The following SIM2 variants were observed in gnomAD, a reference collection of about 807,000 sequenced individuals.
The protein encoded by SIM2 is single-minded homolog 2.
A neutral mutation model predicts 64.8 loss-of-function variants in SIM2; 28 were observed. The ratio of observed to expected loss-of-function variants is 0.43; its 90% CI spans 0.32 to 0.59. SIM2 has a LOEUF of 0.59. Ranked by LOEUF, SIM2 falls within the 20% of genes least tolerant of loss-of-function variation. SIM2 has a pLI of 0.07. For missense variants in SIM2, 847 were observed against 871.4 expected, an observed-to-expected ratio of 0.97 and a Z score of 0.35; for synonymous variants, 408 against 391.1, an observed-to-expected ratio of 1.04 and a Z score of -0.51.
chr21:36,742,726 A>G (rs978059865), intron 8 of SIM2, among the ~76,000 whole-genome samples: 2 of 152,166 alleles, frequency 1.3e-5, no homozygotes, highest in African/African-American at 4.8e-5. Context: ...TGCACTTTAC[A>G]TGGGGTGAGG....
chr21:36,706,482 G>T (rs553406349), intron 1 of SIM2, among the ~76,000 whole-genome samples: 1 of 152,318 alleles, frequency 6.6e-6, no homozygotes, highest in Non-Finnish European at 1.5e-5. Context: ...ACCCCGAGGC[G>T]CCTAGCACAG....
chr21:36,734,756 T>A (rs1466976083), intron 7 of SIM2, among the ~76,000 whole-genome samples: 2 of 152,314 alleles, frequency 1.3e-5, no homozygotes, highest in East Asian at 3.9e-4. Context: ...GACAGTCAAC[T>A]CCCAAGCAGG....
Position 36,715,260 on chromosome 21 carries a change from A to G in SIM2, c.348+2638A>G, listed in dbSNP as rs890354151. On this transcript the variant is annotated intron_variant, in intron 3 of 10. Transcript: ENST00000290399. ...GTTCATGATTAACTCCATAGAAGGA[A>G]ATCTAGGCAGAATCACAATGTGTAT... Among the ~76,000 whole-genome samples the G allele has an allele frequency of 2.6e-5, 4 of 152,198 alleles. No homozygotes were observed. The East Asian group carries it at 7.7e-4, about 29-fold the overall frequency.
At chr21:36,725,626 A>AT (rs1410774183) in intron 5 of SIM2, among the ~76,000 whole-genome samples, 1 of 152,052 alleles carries the variant, frequency 6.6e-6, no homozygotes, top group African/African-American at 2.4e-5. Context: ...TTTTATTATG[A>AT]TATTTTTTGT....
At position 36,747,764 on chromosome 21, in the gene SIM2, A is replaced by G; in HGVS notation, c.1676A>G (p.Lys559Arg). The part of the protein sequence containing the change: ...YREEPALGPA[K>R]AARQAARDGA... ...GAGGAGCCCGCGCTGGGCCCGGCCA[A>G]AGCCGCCCGCCAGGCCGCCCGGGAC... is the stretch of plus-strand genomic sequence containing the variant. The change falls in exon 11 of 11, where the codon AAA becomes AGA. Residue 559 changes from lysine to arginine, a missense_variant. By Grantham distance (26) the Lys-to-Arg change is conservative. Coordinates refer to ENST00000290399, the MANE Select transcript of SIM2 (RefSeq NM_005069.6). The surrounding 1 kb of genome is among the most constrained non-coding windows in gnomAD (Gnocchi z 4.5). The G allele has an allele frequency of 8.7e-7, 1 of 1,151,720 alleles. No homozygotes were observed. Among genetic ancestry groups the G allele is most frequent in the Non-Finnish European group, 1.1e-6 (1 of 939,224 alleles). The allele number at this position is 1,151,720 out of a possible 1,614,324, so 71.3% of individuals were successfully genotyped here.
At chr21:36,712,658 T>C in intron 3 of SIM2, 36 bp downstream of exon 3, 1 of 1,387,944 alleles carries the variant, frequency 7.2e-7, no homozygotes, top group Non-Finnish European at 1.0e-6. Context: ...AACCAAAATA[T>C]TAAACGAAGT....
At chr21:36,743,318 C>A in intron 8 of SIM2, 69 bp from the exon 9 acceptor site, 2 of 1,433,226 alleles carry the variant, frequency 1.4e-6, no homozygotes, top group Non-Finnish European at 1.9e-6. Flanking sequence ...TGCCCAAGGG[C>A]TGGGGCCAGG....
intron 5 of SIM2, among the ~76,000 whole-genome samples, chr21:36,724,183 C>T (rs1412730278): frequency 6.6e-6 from 1 of 152,248 alleles, no homozygotes; most frequent in East Asian, 1.9e-4. Context: ...TGTGCTGTTA[C>T]AGTTCGGGGG....
Position 36,747,804 on chromosome 21 carries a change from G to T in SIM2, c.1716G>T (p.Ala572=). The change falls in exon 11 of 11, where the codon GCG becomes GCT. Residue 572 remains alanine (A), a synonymous_variant. Transcript: ENST00000290399. This position sits in a 1 kb window ranked among gnomAD's most constrained non-coding sequence, Gnocchi z 4.5. ...CCGCCCGGGACGGGGCGCGGCTGGC[G>T]CTGGCCCGCGCGGCACCCGAGTGCT... The part of the protein sequence containing the change: ...RQAARDGARL[A]LARAAPECCA... The T allele has an allele frequency of 9.6e-7, 1 of 1,038,054 alleles. No individual in the cohort carries two copies. The highest frequency in any genetic ancestry group is 1.2e-6 in the Non-Finnish European group (1 of 867,780). 64.3% of individuals were successfully genotyped at this position (1,038,054 alleles called of 1,614,324 possible).
At chr21:36,721,385 T>C (rs2088820426) in intron 4 of SIM2, among the ~76,000 whole-genome samples, 1 of 152,216 alleles carries the variant, frequency 6.6e-6, no homozygotes, top group African/African-American at 2.4e-5. Flanking sequence ...TGTCAGAGAA[T>C]TGCAGAACAT....
intron 10 of SIM2, chr21:36,746,225 G>A (rs1045125727): frequency 1.1e-4 from 19 of 179,686 alleles, no homozygotes; most frequent in Admixed American, 9.6e-4. Context: ...TGAGATAGGA[G>A]GATCACTTGA....
At position 36,709,216 on chromosome 21, in the gene SIM2, G is replaced by C. The variant is rs906355246; in HGVS notation, c.224G>C (p.Gly75Ala). ...GQPSRAGPLDGVAKELGSHLL... is the reference protein window; with the variant it reads ...GQPSRAGPLDAVAKELGSHLL... ...CCGAGCCGCGCCGGGCCCCTGGACG[G>C]CGTCGCCAAGGAGCTGGGATCGCAC... Residue 75 changes from glycine to alanine, a missense_variant, in exon 2 of 11, where the codon GGC becomes GCC. Transcript: ENST00000290399. 2 of 1,610,126 alleles carry C rather than the reference G, an allele frequency of 1.2e-6. No individual in the cohort carries two copies. The highest frequency in any genetic ancestry group is 2.7e-5 in the African/African-American group (2 of 74,942).
chr21:36,706,752 G>A (rs2088589720), intron 1 of SIM2, among the ~76,000 whole-genome samples: 1 of 152,206 alleles, frequency 6.6e-6, no homozygotes, highest in Non-Finnish European at 1.5e-5. Flanking sequence ...CCTAGAGGCA[G>A]GGGTGCTTGG....
chr21:36,738,773 C>T (rs939910399), intron 7 of SIM2, among the ~76,000 whole-genome samples: 2 of 152,244 alleles, frequency 1.3e-5, no homozygotes, highest in African/African-American at 4.8e-5. Context: ...ATTAGAGAAG[C>T]AAACCCCCAA....
intron 7 of SIM2, among the ~76,000 whole-genome samples, chr21:36,735,765 C>G (rs1330268518): frequency 6.6e-6 from 1 of 152,212 alleles, no homozygotes; most frequent in African/African-American, 2.4e-5. Context: ...TATCCTCACT[C>G]AAGTTGTGGG....
intron 7 of SIM2, among the ~76,000 whole-genome samples, chr21:36,737,110 G>T (rs559085732): frequency 1.3e-5 from 2 of 152,174 alleles, no homozygotes; most frequent in East Asian, 3.9e-4. Context: ...AATGTTTTTG[G>T]TAAAGATGGG....
intron 4 of SIM2, chr21:36,720,269 C>T (rs1473522823): frequency 4.2e-6 from 1 of 237,268 alleles, no homozygotes; most frequent in Admixed American, 4.9e-5. Flanking sequence ...TCTCCTTAAC[C>T]AAGATGCCGT....
chr21:36,719,872 G>C lies in SIM2; in HGVS notation c.400G>C (p.Asp134His), dbSNP rs149282278. ...TGAATACATCCATCCTTCTGACCAC[G>C]ATGAGATGACCGCTGTCCTCACGGC... The part of the protein sequence containing the change: ...IYEYIHPSDH[D>H]EMTAVLTAHQ... The change falls in exon 4 of 11, where the codon GAT becomes CAT. Residue 134 changes from aspartate to histidine, a missense_variant. Transcript: ENST00000290399. 1 of 1,613,408 alleles carries C rather than the reference G, an allele frequency of 6.2e-7. No homozygotes were observed. Among genetic ancestry groups the C allele is most frequent in the Non-Finnish European group, 8.5e-7 (1 of 1,179,722 alleles).
rs550014633 is a variant in SIM2, at chr21:36,745,956, A to G, written c.1576+820A>G. 4.9e-6 allele frequency: 6 copies of G among 1,232,992 alleles called. No individual in the cohort carries two copies. Among genetic ancestry groups the G allele is most frequent in the Non-Finnish European group, 5.3e-6 (5 of 951,228 alleles). 76.4% of individuals were successfully genotyped at this position (1,232,992 alleles called of 1,614,324 possible). A position where few individuals can be genotyped will look rare whatever the true frequency, so the allele number is the denominator to read the frequency against. The stretch of plus-strand genomic sequence containing the variant: ...GCACCGAGACCTAACTGCCGCTCAG[A>G]GTGTAGACCGAGATGGTGCAGATGC... On this transcript the variant is annotated intron_variant, in intron 10 of 10. Coordinates refer to ENST00000290399, the MANE Select transcript of SIM2 (RefSeq NM_005069.6). The surrounding 1 kb of genome is among the most constrained non-coding windows in gnomAD (Gnocchi z 4.8).
Sources: allele counts gnomAD v4.1 joint callset (sites outside exome capture counted in the v4.1 genomes callset), GRCh38; gene constraint gnomAD v4.1.1; non-coding constraint Gnocchi (gnomAD v3.1); transcripts MANE v1.5; gene names NCBI Gene and HGNC (gene_info 2026-07-23, HGNC 2026-07-21).